The following MYLK4 variants were observed in gnomAD, a reference collection of about 807,000 sequenced individuals.
The protein encoded by MYLK4 is caMLCK like.
A neutral mutation model predicts 48.1 loss-of-function variants in MYLK4; 46 were observed. The observed-to-expected ratio is 0.96, with a 90% CI of 0.75 to 1.22. The LOEUF (loss-of-function observed/expected upper bound fraction) is 1.22. Ranked by LOEUF, MYLK4 falls within the 50% of genes most tolerant of loss-of-function variation. MYLK4 has a pLI of 0.00. For synonymous variants in MYLK4, 170 were observed against 180.8 expected (o/e 0.94, Z 0.48); for missense variants, 451 against 486.1 (o/e 0.93, Z 0.68).
At chr6:2,681,322 A>C (rs748100706) in intron 7 of MYLK4, among the ~76,000 whole-genome samples, 2 of 152,212 alleles carry the variant, frequency 1.3e-5, no homozygotes, top group Non-Finnish European at 2.9e-5. Context: ...TCAATATTCA[A>C]TAGTACATTT....
chr6:2,764,089 G>A, the MYLK4 span, among the ~76,000 whole-genome samples: 6 of 152,182 alleles, frequency 3.9e-5, no homozygotes, highest in Non-Finnish European at 8.8e-5. Flanking sequence ...CTGAGATTGC[G>A]CCATTGCACT....
intron 2 of MYLK4, among the ~76,000 whole-genome samples, chr6:2,747,232 C>G (rs1764128823): frequency 6.6e-6 from 1 of 152,160 alleles, no homozygotes; most frequent in African/African-American, 2.4e-5. Context: ...CAATTTTTCC[C>G]TCAAAAACAC....
At chr6:2,750,491 G>C (rs1334828928) in intron 1 of MYLK4, among the ~76,000 whole-genome samples, 1 of 152,102 alleles carries the variant, frequency 6.6e-6, no homozygotes, top group African/African-American at 2.4e-5. Flanking sequence ...CAAATGCATG[G>C]CTATTTCTAA....
chr6:2,674,924 T>A, intron 11 of MYLK4, 123 bp downstream of exon 11: 1 of 822,894 alleles, frequency 1.2e-6, no homozygotes, highest in Non-Finnish European at 2.0e-6. Context: ...CTGCACAAGA[T>A]TTGCAGTCTG....
At chr6:2,668,170 G>A (rs900288007) in intron 12 of MYLK4, among the ~76,000 whole-genome samples, 1 of 152,104 alleles carries the variant, frequency 6.6e-6, no homozygotes, top group East Asian at 1.9e-4. Flanking sequence ...TTGTTACATG[G>A]GGACATGTGT....
At chr6:2,699,296 T>C (rs1017480590) in intron 2 of MYLK4, among the ~76,000 whole-genome samples, 9 of 122,602 alleles carry the variant, frequency 7.3e-5, no homozygotes, top group African/African-American at 2.6e-4. Context: ...TCTTTTTTTT[T>C]TTTTTTTTTT....
intron 2 of MYLK4, among the ~76,000 whole-genome samples, chr6:2,713,268 G>A (rs952741507): frequency 3.3e-5 from 5 of 151,970 alleles, no homozygotes; most frequent in African/African-American, 1.2e-4. Context: ...TACCTGGGAG[G>A]CTGAGGCAGG....
rs922725069 is a variant in MYLK4, at chr6:2,685,571, C to A, written c.347G>T (p.Arg116Leu). 1 of 1,614,008 alleles carries A rather than the reference C, an allele frequency of 6.2e-7. No individual in the cohort carries two copies. The highest frequency in any genetic ancestry group is 2.2e-5 in the East Asian group (1 of 44,882). Residue 116 changes from arginine to leucine, a missense_variant, in exon 5 of 13, where the codon CGT becomes CTT. Physicochemically the swap from Arg to Leu is moderately radical, Grantham distance 102. Coordinates refer to ENST00000274643, the MANE Select transcript of MYLK4 (RefSeq NM_001012418.5). This position sits in a 1 kb window ranked among gnomAD's most constrained non-coding sequence, Gnocchi z 4.5. ...VSKTEILGGG[R>L]FGQVHKCEET... ...CTCACACTTGTGAACCTGGCCGAAA[C>A]GCCCTCTGCCAAAAAGAGGAAGCGG...
At chr6:2,680,778 C>T (rs1367004540) in intron 7 of MYLK4, among the ~76,000 whole-genome samples, 2 of 152,210 alleles carry the variant, frequency 1.3e-5, no homozygotes, top group African/African-American at 2.4e-5. Context: ...CAGAGCTTCC[C>T]TTTGCTCAAC....
chr6:2,728,585 C>T (rs964854217), intron 2 of MYLK4, among the ~76,000 whole-genome samples: 4 of 152,070 alleles, frequency 2.6e-5, no homozygotes, highest in Admixed American at 2.0e-4. Flanking sequence ...TTTCCTCATC[C>T]TCCTGGCCCC....
intron 2 of MYLK4, among the ~76,000 whole-genome samples, chr6:2,721,702 T>A (rs1763076223): frequency 6.6e-6 from 1 of 152,220 alleles, no homozygotes; most frequent in Non-Finnish European, 1.5e-5. Context: ...CAGTCTGAAC[T>A]TCCCTCCACT....
chr6:2,713,874 T>C (rs984594703), intron 2 of MYLK4, among the ~76,000 whole-genome samples: 1 of 152,124 alleles, frequency 6.6e-6, no homozygotes, highest in Non-Finnish European at 1.5e-5. Flanking sequence ...AAATAAATCA[T>C]GGCCACTCCC....
the MYLK4 span, chr6:2,765,766 G>A: frequency 2.0e-6 from 3 of 1,472,972 alleles, no homozygotes; most frequent in South Asian, 2.6e-5. Flanking sequence ...CGGGGCACGC[G>A]GAGCCCGCGG....
intron 2 of MYLK4, among the ~76,000 whole-genome samples, chr6:2,746,926 G>A (rs1211793324): frequency 6.6e-6 from 1 of 152,232 alleles, no homozygotes; most frequent in Non-Finnish European, 1.5e-5. Flanking sequence ...CCACCAACTA[G>A]GCAGGCAGGG....
At chr6:2,745,002 C>T (rs983450282) in intron 2 of MYLK4, among the ~76,000 whole-genome samples, 1 of 152,028 alleles carries the variant, frequency 6.6e-6, no homozygotes, top group Non-Finnish European at 1.5e-5. Context: ...TGGGACCATG[C>T]CTTTTGGATG....
the MYLK4 span, chr6:2,765,673 G>C: frequency 4.5e-6 from 7 of 1,553,082 alleles, no homozygotes; most frequent in Non-Finnish European, 6.0e-6. Flanking sequence ...AGCTGCACCA[G>C]GTGCAGTGCC....
At chr6:2,722,513 G>C (rs1352309985) in intron 2 of MYLK4, among the ~76,000 whole-genome samples, 3 of 6,476 alleles carry the variant, frequency 4.6e-4, no homozygotes, top group African/African-American at 1.2e-3. Flanking sequence ...CATAAAAGGA[G>C]TGTGTGTGTG....
upstream of MYLK4, among the ~76,000 whole-genome samples, chr6:2,753,741 G>A (rs1235994191): frequency 6.6e-6 from 1 of 151,664 alleles, no homozygotes; most frequent in Non-Finnish European, 1.5e-5. Flanking sequence ...CACCAAAGAA[G>A]ATATAAAAAT....
chr6:2,749,074 G>T, intron 2 of MYLK4, 62 bp downstream of exon 2: 2 of 1,486,510 alleles, frequency 1.3e-6, no homozygotes, highest in South Asian at 1.3e-5. Flanking sequence ...GCGGCTCCAT[G>T]ACATTAGAAA....
Sources: gnomAD v4.1 joint callset for allele counts (sites outside exome capture counted in the v4.1 genomes callset) on GRCh38, gnomAD v4.1.1 for gene constraint, Gnocchi (gnomAD v3.1) non-coding constraint, MANE v1.5 for transcripts, NCBI Gene and HGNC (gene_info 2026-07-23, HGNC 2026-07-21) for gene names.